The following PCP4 variants were observed in gnomAD, a reference collection of about 807,000 sequenced individuals.
PCP4 encodes the protein calmodulin regulator protein PCP4.
In PCP4, 8 loss-of-function variants were observed where a neutral mutation model predicts 10.0. The observed-to-expected ratio is 0.80, with a 90% CI of 0.47 to 1.45. The LOEUF (loss-of-function observed/expected upper bound fraction) is 1.45, where lower values mean the gene tolerates loss of function less well. PCP4 is among the 40% of genes most tolerant of loss of function. The pLI, the probability that PCP4 is intolerant of heterozygous loss-of-function variation, is 0.00. For missense variants in PCP4, 54 were observed against 74.4 expected (o/e 0.73, Z 1.01); for synonymous variants, 21 against 23.0 (o/e 0.91, Z 0.24).
Position 39,902,760 on chromosome 21 carries a change from C to G in PCP4, c.61+4233C>G, listed in dbSNP as rs1489342993. Among the ~76,000 whole-genome samples the G allele has an allele frequency of 2.0e-5, 3 of 152,118 alleles. No individual in the cohort carries two copies. In the East Asian group the frequency reaches 5.8e-4, roughly 29 times the overall value. On this transcript the variant is annotated intron_variant, in intron 2 of 2. Coordinates refer to ENST00000328619, the MANE Select transcript of PCP4 (RefSeq NM_006198.3). ...TTTTTAATGTAGAAAATAAACGTTT[C>G]AGGGCTTGGAGGTTCAGAGATTTTT... is the stretch of plus-strand genomic sequence containing the variant.
At chr21:39,912,913 G>A (rs1402485476) in intron 2 of PCP4, among the ~76,000 whole-genome samples, 5 of 151,958 alleles carry the variant, frequency 3.3e-5, no homozygotes, top group South Asian at 2.1e-4. Context: ...ACTATGTTGC[G>A]CAGGCTGGTC....
chr21:39,871,318 C>T (rs1019147535), intron 1 of PCP4, among the ~76,000 whole-genome samples: 1 of 152,208 alleles, frequency 6.6e-6, no homozygotes, highest in African/African-American at 2.4e-5. Flanking sequence ...AAGATTATGG[C>T]TTTGAGCTTC....
chr21:39,869,888 G>T (rs950675464), intron 1 of PCP4, among the ~76,000 whole-genome samples: 30 of 152,338 alleles, frequency 2.0e-4, no homozygotes, highest in African/African-American at 6.7e-4. Context: ...AATTACCAAA[G>T]AAAGCCAGAG....
At chr21:39,908,635 C>G (rs934738096) in intron 2 of PCP4, among the ~76,000 whole-genome samples, 2 of 152,130 alleles carry the variant, frequency 1.3e-5, no homozygotes, top group Non-Finnish European at 2.9e-5. Context: ...TCCCACTGAG[C>G]AGAGTCTCTG....
intron 2 of PCP4, among the ~76,000 whole-genome samples, chr21:39,917,261 T>C (rs537374082): frequency 2.0e-5 from 3 of 152,336 alleles, no homozygotes; most frequent in African/African-American, 7.2e-5. Context: ...GACACTGGGA[T>C]GTCCCCACAG....
intron 1 of PCP4, among the ~76,000 whole-genome samples, chr21:39,891,564 C>T (rs186115119): frequency 2.0e-4 from 30 of 152,234 alleles, no homozygotes; most frequent in Admixed American, 5.2e-4. Context: ...AGGCATAAGA[C>T]GAAGAGATAA....
At chr21:39,917,511 G>C (rs1314726645) in intron 2 of PCP4, among the ~76,000 whole-genome samples, 1 of 152,184 alleles carries the variant, frequency 6.6e-6, no homozygotes, top group African/African-American at 2.4e-5. Context: ...GGCAAGCCAG[G>C]CTGCCGGCTG....
At chr21:39,901,690 A>T (rs1979225265) in intron 2 of PCP4, among the ~76,000 whole-genome samples, 1 of 152,244 alleles carries the variant, frequency 6.6e-6, no homozygotes, top group South Asian at 2.1e-4. Context: ...CTAGATATTA[A>T]ATGATAGTCA....
intron 2 of PCP4, among the ~76,000 whole-genome samples, chr21:39,928,698 A>G (rs1413124427): frequency 6.6e-6 from 1 of 152,212 alleles, no homozygotes; most frequent in Non-Finnish European, 1.5e-5. Context: ...TATTAAAACC[A>G]TATATCAAGA....
chr21:39,867,803 T>A (rs2087301350), intron 1 of PCP4, among the ~76,000 whole-genome samples: 1 of 152,190 alleles, frequency 6.6e-6, no homozygotes, highest in Non-Finnish European at 1.5e-5. Context: ...GAAAGCCAAA[T>A]GTTTTATTCT....
At chr21:39,916,055 A>C (rs934776704) in intron 2 of PCP4, 1 of 151,798 alleles carries the variant, frequency 6.6e-6, no homozygotes, top group Non-Finnish European at 1.5e-5. Context: ...TTTTTTTTCT[A>C]TGTTTCCTAG....
chr21:39,870,925 C>T (rs935355019), intron 1 of PCP4, among the ~76,000 whole-genome samples: 1 of 152,166 alleles, frequency 6.6e-6, no homozygotes, highest in African/African-American at 2.4e-5. Flanking sequence ...AGACATTGGC[C>T]GCAGGGCAAG....
At chr21:39,876,502 A>G (rs2087346588) in intron 1 of PCP4, among the ~76,000 whole-genome samples, 1 of 152,184 alleles carries the variant, frequency 6.6e-6, no homozygotes, top group South Asian at 2.1e-4. Flanking sequence ...TTAAAGGTAG[A>G]TTGTATAATC....
chr21:39,886,310 C>T (rs531904060), intron 1 of PCP4, among the ~76,000 whole-genome samples: 87 of 152,270 alleles, frequency 5.7e-4, no homozygotes, highest in Middle Eastern at 6.8e-3. Context: ...ACACAAAAGT[C>T]GTCACCATGA....
At chr21:39,907,805 A>G (rs1021643254) in intron 2 of PCP4, among the ~76,000 whole-genome samples, 2 of 152,194 alleles carry the variant, frequency 1.3e-5, no homozygotes, top group Non-Finnish European at 2.9e-5. Context: ...TCAAAAAAAA[A>G]AAAGTGCCTT....
At chr21:39,908,843 A>G (rs2087525812) in intron 2 of PCP4, among the ~76,000 whole-genome samples, 1 of 152,226 alleles carries the variant, frequency 6.6e-6, no homozygotes, top group Non-Finnish European at 1.5e-5. Flanking sequence ...AGAGGCGCCA[A>G]GGAGCCAATC....
At chr21:39,928,909 C>CT (rs1242315975) in intron 2 of PCP4, 75 bp from the exon 3 acceptor site, 1 of 1,498,374 alleles carries the variant, frequency 6.7e-7, no homozygotes, top group East Asian at 2.3e-5. Flanking sequence ...CCTGGCTTCA[C>CT]TTATCTAGTG....
rs1187406259 is a variant in PCP4, at chr21:39,906,547, C to T, written c.61+8020C>T. 6.6e-6 allele frequency among the ~76,000 whole-genome samples: 1 copy of T among 152,086 alleles called. No individual in the cohort carries two copies. The highest frequency in any genetic ancestry group is 1.5e-5 in the Non-Finnish European group (1 of 68,004). On this transcript the variant is annotated intron_variant, in intron 2 of 2. Transcript: ENST00000328619. This position sits in a 1 kb window ranked among gnomAD's most constrained non-coding sequence, Gnocchi z 6.3. Reference sequence around the variant, plus strand: ...CCTTTCTCTTTCTCCCTCCTTCCTTCCTTCCGCTCCTCCTTCTTCCCCTTC... The same window carrying T: ...CCTTTCTCTTTCTCCCTCCTTCCTTTCTTCCGCTCCTCCTTCTTCCCCTTC...
In PCP4 at chr21:39,926,654, T is replaced by A. The variant is rs1045733400; in HGVS notation, c.62-2330T>A. Among the ~76,000 whole-genome samples, 3 of 152,280 alleles carry A rather than the reference T, an allele frequency of 2.0e-5. No homozygotes were observed. The East Asian group carries it at 5.8e-4, about 29-fold the overall frequency. ...CAAGGATGTTATTGGTACAAAAGGG[T>A]TTATTGCCATGAGCACAAACACTGG... On this transcript the variant is annotated intron_variant, in intron 2 of 2. Coordinates refer to ENST00000328619, the MANE Select transcript of PCP4 (RefSeq NM_006198.3).
Sources: allele counts gnomAD v4.1 joint callset (sites outside exome capture counted in the v4.1 genomes callset), GRCh38; gene constraint gnomAD v4.1.1; non-coding constraint Gnocchi (gnomAD v3.1); transcripts MANE v1.5; gene names NCBI Gene and HGNC (gene_info 2026-07-23, HGNC 2026-07-21).